Variants in ABI1 observed in about 807,000 individuals in gnomAD.
The protein encoded by ABI1 is abl interactor 1, also known as Abelson interactor 1.
Under a neutral mutation model 54.6 loss-of-function variants are expected in ABI1, and 14 were observed. The ratio of observed to expected loss-of-function variants is 0.26; its 90% CI spans 0.17 to 0.40. ABI1 has a LOEUF of 0.40. ABI1 is among the 10% of genes least tolerant of loss of function. The pLI, the probability that ABI1 is intolerant of heterozygous loss-of-function variation, is 1.00. For missense variants in ABI1, 443 were observed against 598.3 expected, an observed-to-expected ratio of 0.74 and a Z score of 2.71; for synonymous variants, 194 against 209.3, an observed-to-expected ratio of 0.93 and a Z score of 0.63.
intron 2 of ABI1, among the ~76,000 whole-genome samples, chr10:26,806,448 AAAC>A (rs2046882563): frequency 6.6e-6 from 1 of 152,184 alleles, no homozygotes; most frequent in South Asian, 2.1e-4. Flanking sequence ...ACCGCACTGG[AAAC>A]AACAGCTGGA....
At chr10:26,770,156 G>A in intron 5 of ABI1, 89 bp downstream of exon 5, 1 of 1,011,248 alleles carries the variant, frequency 9.9e-7, no homozygotes, top group Non-Finnish European at 1.6e-6. Flanking sequence ...AGGGTAGTGT[G>A]GCATGGATCC....
chr10:26,750,017 A>G (rs1837410757), intron 10 of ABI1, among the ~76,000 whole-genome samples: 1 of 152,212 alleles, frequency 6.6e-6, no homozygotes, highest in Admixed American at 6.5e-5. Flanking sequence ...TTGTCAACTT[A>G]TATAAATATG....
At chr10:26,805,379 T>A (rs2046815504) in intron 2 of ABI1, among the ~76,000 whole-genome samples, 1 of 151,492 alleles carries the variant, frequency 6.6e-6, no homozygotes, top group African/African-American at 2.4e-5. Flanking sequence ...ACTAGCTGTT[T>A]ATACTCAAGC....
At chr10:26,794,443 CAT>C (rs1843867293) in intron 2 of ABI1, among the ~76,000 whole-genome samples, 1 of 151,752 alleles carries the variant, frequency 6.6e-6, no homozygotes, top group Non-Finnish European at 1.5e-5. Flanking sequence ...AAATTCTCTA[CAT>C]ATGTCAGGAA....
chr10:26,831,601 A>G (rs2048682243), intron 1 of ABI1, among the ~76,000 whole-genome samples: 1 of 152,242 alleles, frequency 6.6e-6, no homozygotes, highest in African/African-American at 2.4e-5. Flanking sequence ...TCTAAGATCT[A>G]ATCAAAGATT....
At chr10:26,849,128 C>A (rs1446274965) in intron 1 of ABI1, among the ~76,000 whole-genome samples, 1 of 151,998 alleles carries the variant, frequency 6.6e-6, no homozygotes, top group Non-Finnish European at 1.5e-5. Flanking sequence ...TACAGGGGGT[C>A]CACGAGGTCT....
intron 2 of ABI1, among the ~76,000 whole-genome samples, chr10:26,788,222 C>T (rs77339542): frequency 2.0e-4 from 30 of 152,280 alleles, no homozygotes; most frequent in African/African-American, 7.0e-4. Flanking sequence ...GGGCATTTTG[C>T]CTCCCGGCAT....
Position 26,836,405 on chromosome 10 carries a change from G to A in ABI1, c.118-13100C>T, listed in dbSNP as rs377092059. On this transcript the variant is annotated intron_variant, in intron 1 of 10. Coordinates refer to ENST00000376140, the MANE Select transcript of ABI1 (RefSeq NM_001012750.3). Reference sequence around the variant, plus strand: ...TGGGATTACAGACGTGAGCCACTACGCCTGACCTCTTGATAGTATCTTAGT... The same window carrying A: ...TGGGATTACAGACGTGAGCCACTACACCTGACCTCTTGATAGTATCTTAGT... 7.9e-5 allele frequency among the ~76,000 whole-genome samples: 12 copies of A among 152,242 alleles called. No individual in the cohort carries two copies. The East Asian group carries it at 1.9e-3, about 24-fold the overall frequency.
chr10:26,839,122 G>T (rs2049303445), intron 1 of ABI1, among the ~76,000 whole-genome samples: 1 of 152,156 alleles, frequency 6.6e-6, no homozygotes, highest in Non-Finnish European at 1.5e-5. Context: ...ATAAATGGAA[G>T]AAACAAAAAT....
intron 2 of ABI1, among the ~76,000 whole-genome samples, chr10:26,818,695 G>A (rs1230474614): frequency 1.3e-5 from 2 of 148,498 alleles, no homozygotes; most frequent in Admixed American, 6.7e-5. Flanking sequence ...AAGAAAATGC[G>A]TGACACAAGC....
At chr10:26,834,404 A>G (rs718825) in intron 1 of ABI1, among the ~76,000 whole-genome samples, 39,754 of 151,860 alleles carry the variant, frequency 0.26, 6,009 homozygotes, top group South Asian at 0.44. Context: ...CCATAGATGG[A>G]AGAAAATATT....
chr10:26,829,694 C>G (rs891680729), intron 1 of ABI1, among the ~76,000 whole-genome samples: 5 of 152,052 alleles, frequency 3.3e-5, no homozygotes, highest in African/African-American at 9.6e-5. Flanking sequence ...ATCATAACTT[C>G]AATGGAATGA....
At chr10:26,805,861 C>T (rs2046844873) in intron 2 of ABI1, among the ~76,000 whole-genome samples, 1 of 152,180 alleles carries the variant, frequency 6.6e-6, no homozygotes, top group Admixed American at 6.5e-5. Context: ...ACCAGCTACT[C>T]CCCTAGCACA....
chr10:26,754,241 C>A (rs545899420), intron 9 of ABI1, among the ~76,000 whole-genome samples: 3 of 152,308 alleles, frequency 2.0e-5, no homozygotes, highest in Non-Finnish European at 4.4e-5. Flanking sequence ...CCTTGACGTC[C>A]TGGACTCAAA....
intron 7 of ABI1, among the ~76,000 whole-genome samples, chr10:26,762,159 A>G (rs991909506): frequency 3.3e-5 from 5 of 152,028 alleles, no homozygotes; most frequent in African/African-American, 9.7e-5. Flanking sequence ...GGCATGCATC[A>G]CCATGCCCGG....
Position 26,748,478 on chromosome 10 carries a change from C to T in ABI1, c.*92G>A, listed in dbSNP as rs1167431130. 6 of 930,108 alleles carry T rather than the reference C, an allele frequency of 6.5e-6. No individual in the cohort carries two copies. The highest frequency in any genetic ancestry group is 7.7e-6 in the Non-Finnish European group (5 of 652,776). The allele number at this position is 930,108 out of a possible 1,614,324, so 57.6% of individuals were successfully genotyped here. On this transcript the variant is annotated 3_prime_UTR_variant, in exon 11 of 11. Transcript: ENST00000376140. ...ACAGCATGTTCTGAAAATATGGGCA[C>T]ATTTTAAAACATATTAAGACAGTTC... is the stretch of plus-strand genomic sequence containing the variant.
chr10:26,807,033 T>C (rs561588671), intron 2 of ABI1, among the ~76,000 whole-genome samples: 60 of 152,344 alleles, frequency 3.9e-4, no homozygotes, highest in Non-Finnish European at 7.6e-4. Flanking sequence ...TTCCTAAGTA[T>C]GGTAATTTTA....
chr10:26,811,148 C>T (rs112570476), intron 2 of ABI1, among the ~76,000 whole-genome samples: 34 of 152,072 alleles, frequency 2.2e-4, no homozygotes, highest in African/African-American at 8.2e-4. Context: ...AGGCTCTCTG[C>T]TAGGTGCTAT....
At chr10:26,819,581 T>C (rs1456022456) in intron 2 of ABI1, among the ~76,000 whole-genome samples, 1 of 152,214 alleles carries the variant, frequency 6.6e-6, no homozygotes, top group African/African-American at 2.4e-5. Context: ...CTTGACTTAA[T>C]GAGATTTATA....
Sources: gnomAD v4.1 joint callset for allele counts (sites outside exome capture counted in the v4.1 genomes callset) on GRCh38, gnomAD v4.1.1 for gene constraint, MANE v1.5 for transcripts, NCBI Gene and HGNC (gene_info 2026-07-23, HGNC 2026-07-21) for gene names.